The following RP1L1 variants were observed in gnomAD, a reference collection of about 807,000 sequenced individuals.
The protein encoded by RP1L1 is retinitis pigmentosa 1-like 1 protein.
RP1L1 carries 27 observed loss-of-function variants against 15.7 expected under a neutral mutation model. The observed-to-expected ratio is 1.72, with a 90% CI of 1.27 to 2.38. RP1L1 has a LOEUF of 2.38. Among genes scored for constraint, RP1L1 ranks in the 30% most tolerant of loss-of-function variants. RP1L1 has a pLI of 0.00. For synonymous variants in RP1L1, 1,813 were observed against 1,276.7 expected (o/e 1.42, Z -8.96); for missense variants, 4,798 against 3,075.9 (o/e 1.56, Z -13.24).
chr8:10,618,673 C>T (rs374787858), intron 2 of RP1L1, among the ~76,000 whole-genome samples: 1 of 152,122 alleles, frequency 6.6e-6, no homozygotes, highest in Admixed American at 6.5e-5. Flanking sequence ...AACTGGGCAA[C>T]AGAACCAGAC....
intron 1 of RP1L1, among the ~76,000 whole-genome samples, chr8:10,624,701 C>A (rs1798129218): frequency 6.6e-6 from 1 of 152,190 alleles, no homozygotes; most frequent in African/African-American, 2.4e-5. Flanking sequence ...GGATCAGCTG[C>A]CATAGAGTCA....
intron 3 of RP1L1, among the ~76,000 whole-genome samples, chr8:10,613,906 A>G (rs949170246): frequency 3.3e-5 from 5 of 152,232 alleles, no homozygotes; most frequent in Admixed American, 2.0e-4. Flanking sequence ...TCTGAATTCA[A>G]TCTCAACTCT....
At chr8:10,630,144 T>G (rs1798219145) in intron 1 of RP1L1, among the ~76,000 whole-genome samples, 1 of 152,192 alleles carries the variant, frequency 6.6e-6, no homozygotes, top group Non-Finnish European at 1.5e-5. Context: ...AGCATCTATC[T>G]CTATACCTAG....
intron 1 of RP1L1, among the ~76,000 whole-genome samples, chr8:10,652,018 A>G (rs984443983): frequency 1.3e-5 from 2 of 152,214 alleles, no homozygotes; most frequent in Non-Finnish European, 2.9e-5. Flanking sequence ...AATTGCCTAT[A>G]GTACTCAGTA....
At position 10,608,753 on chromosome 8, in the gene RP1L1, CT is replaced by C; in HGVS notation, c.5344del (p.Ser1782ValfsTer16). On this transcript the variant is annotated frameshift_variant, in exon 4 of 4. Transcript: ENST00000382483. LOFTEE classifies it low-confidence loss of function (END_TRUNC). ...REGKTHNSET[S>X]AGSELGEAEQ... ...AGCTTCCCCCAACTCACTGCCCGCA[CT>C]GGTTTCACTGTTGTGGGTTTTCCCT... is the stretch of plus-strand genomic sequence containing the variant. 8 of 1,614,252 alleles carry C rather than the reference CT, an allele frequency of 5.0e-6. No homozygotes were observed. The highest frequency in any genetic ancestry group is 6.8e-6 in the Non-Finnish European group (8 of 1,180,054).
At chr8:10,649,223 A>T (rs1424288280) in intron 1 of RP1L1, among the ~76,000 whole-genome samples, 1 of 152,060 alleles carries the variant, frequency 6.6e-6, no homozygotes, top group African/African-American at 2.4e-5. Flanking sequence ...TTCTACTCTC[A>T]AGTCCTTCTT....
Position 10,606,787 on chromosome 8 carries a change from A to C in RP1L1, c.*108T>G. The C allele has an allele frequency of 1.3e-6, 2 of 1,569,074 alleles. No homozygotes were observed. Among genetic ancestry groups the C allele is most frequent in the Non-Finnish European group, 8.6e-7 (1 of 1,163,336 alleles). On this transcript the variant is annotated 3_prime_UTR_variant, in exon 4 of 4. Coordinates refer to ENST00000382483, the MANE Select transcript of RP1L1 (RefSeq NM_178857.6). ...CTTGGCAAGTCCTTGGTCTTTGTCC[A>C]TGTACTATGGACATCTCCAGTGGAC...
chr8:10,614,884 C>G (rs1319086933), intron 3 of RP1L1, among the ~76,000 whole-genome samples: 81 of 152,172 alleles, frequency 5.3e-4, no homozygotes, highest in Non-Finnish European at 8.8e-5. Context: ...TGTAACAAAC[C>G]TGCATGTTGT....
chr8:10,611,870 G>C lies in RP1L1; in HGVS notation c.2228C>G (p.Ala743Gly). The C allele has an allele frequency of 6.2e-7, 1 of 1,613,862 alleles. No homozygotes were observed. Among genetic ancestry groups the C allele is most frequent in the Non-Finnish European group, 8.5e-7 (1 of 1,180,038 alleles). ...LGTSSATVTP[A>G]VHSDFVSGVS... is the part of the protein sequence containing the mutation. ...TCCAGAAACAAAATCCGAGTGGACT[G>C]CAGGGGTGACAGTGGCACTGCTGGT... The change falls in exon 4 of 4, where the codon GCA (alanine) becomes GGA (glycine). Residue 743 changes from alanine (A) to glycine (G), a missense_variant. By Grantham distance (60) the Ala-to-Gly change is moderately conservative. Coordinates refer to ENST00000382483, the MANE Select transcript of RP1L1 (RefSeq NM_178857.6).
At chr8:10,620,768 C>T (rs1332569008) in intron 2 of RP1L1, among the ~76,000 whole-genome samples, 5 of 152,190 alleles carry the variant, frequency 3.3e-5, no homozygotes, top group African/African-American at 9.7e-5. Context: ...AATAGGGCTA[C>T]TATTACACAA....
chr8:10,616,649 C>A, intron 2 of RP1L1, 62 bp from the exon 3 acceptor site: 1 of 1,540,252 alleles, frequency 6.5e-7, no homozygotes, highest in South Asian at 1.2e-5. Context: ...ACCCTGAGGC[C>A]TGGGGGAGGA....
Position 10,607,507 on chromosome 8 carries a change from C to T in RP1L1, c.6591G>A (p.Glu2197=), listed in dbSNP as rs762044089. 6.2e-7 allele frequency: 1 copy of T among 1,607,468 alleles called. No individual in the cohort carries two copies. The highest frequency in any genetic ancestry group is 8.5e-7 in the Non-Finnish European group (1 of 1,175,832). ...GEAQPESEGI[E]APEAEGEAQP... ...GGGCCTCCCCTTCTGCCTCTGGGGCCTCTATACCTTCTGACTCTGGCTGGG... is the reference window on the plus strand; with the variant it reads ...GGGCCTCCCCTTCTGCCTCTGGGGCTTCTATACCTTCTGACTCTGGCTGGG... The change falls in exon 4 of 4, where the codon GAG becomes GAA. Residue 2197 remains glutamate (E), a synonymous_variant. Coordinates refer to ENST00000382483, the MANE Select transcript of RP1L1 (RefSeq NM_178857.6).
chr8:10,606,701 G>A lies in RP1L1; in HGVS notation c.*194C>T, dbSNP rs1182221564. 1.5e-5 allele frequency: 14 copies of A among 916,288 alleles called. No individual in the cohort carries two copies. Among genetic ancestry groups the A allele is most frequent in the East Asian group, 5.3e-5 (2 of 37,548 alleles). 56.8% of individuals were successfully genotyped at this position (916,288 alleles called of 1,614,324 possible). ...CTTCACACTGCGTGTGGGACGGGCC[G>A]CAGAGCTCTCTGACACTTCTGGACT... On this transcript the variant is annotated 3_prime_UTR_variant, in exon 4 of 4. Transcript: ENST00000382483.
intron 1 of RP1L1, among the ~76,000 whole-genome samples, chr8:10,635,353 C>T (rs769954142): frequency 9.2e-5 from 14 of 152,244 alleles, no homozygotes; most frequent in South Asian, 2.1e-4. Context: ...AGGCTAATCC[C>T]TGGTCTTCTT....
chr8:10,608,954 G>A lies in RP1L1; in HGVS notation c.5144C>T (p.Thr1715Met), dbSNP rs370477638. Residue 1715 changes from threonine (T) to methionine (M), a missense_variant, in exon 4 of 4, where the codon ACG becomes ATG. Physicochemically the swap from Thr to Met is moderately conservative, Grantham distance 81. Transcript: ENST00000382483. The stretch of plus-strand genomic sequence containing the variant: ...GACAGTCCTAGTGCTCGTGGGGTCC[G>A]TGTGGGTCTTGCCAGGGGCCACCTC... ...AAEVAPGKTH[T>M]DPTSTRTVQG... 211 of 1,613,712 alleles carry A rather than the reference G, an allele frequency of 1.3e-4. 1 individual carries two copies. The highest frequency in any genetic ancestry group is 2.5e-4 in the African/African-American group (19 of 74,906).
rs756685182 is a variant in RP1L1, at chr8:10,612,079, G to T, written c.2019C>A (p.Asp673Glu). Residue 673 changes from aspartate to glutamate, a missense_variant, in exon 4 of 4, where the codon GAC becomes GAA. Transcript: ENST00000382483. ...CAGAGGAGTCCAGTGGGCTGTGGGT[G>T]TCCTTGCGGTAGTGAGAATGCCTGG... ...GHPRHSHYRK[D>E]THSPLDSSVT... The T allele has an allele frequency of 2.5e-6, 4 of 1,613,750 alleles. No individual in the cohort carries two copies. The highest frequency in any genetic ancestry group is 1.1e-5 in the South Asian group (1 of 91,094).
intron 1 of RP1L1, among the ~76,000 whole-genome samples, chr8:10,626,779 G>A (rs1247201605): frequency 6.6e-6 from 1 of 152,176 alleles, no homozygotes; most frequent in Non-Finnish European, 1.5e-5. Context: ...AAAAAGCGAA[G>A]CACAAATTGC....
At chr8:10,616,327 A>T (rs1293556189) in intron 3 of RP1L1, 119 bp downstream of exon 3, 1 of 1,303,980 alleles carries the variant, frequency 7.7e-7, no homozygotes, top group Non-Finnish European at 1.1e-6. Context: ...AATGACTGGG[A>T]TACCCAAGAT....
chr8:10,626,004 G>A (rs1798151647), intron 1 of RP1L1, among the ~76,000 whole-genome samples: 3 of 152,112 alleles, frequency 2.0e-5, no homozygotes, highest in African/African-American at 4.8e-5. Context: ...CTGTGTGTGG[G>A]AGGGGGTAGA....
Sources: allele counts gnomAD v4.1 joint callset (sites outside exome capture counted in the v4.1 genomes callset), GRCh38; gene constraint gnomAD v4.1.1; transcripts MANE v1.5; gene names NCBI Gene and HGNC (gene_info 2026-07-23, HGNC 2026-07-21).